Variants in PDE3A observed in about 807,000 individuals in gnomAD.
PDE3A encodes the protein phosphodiesterase 3A.
Under a neutral mutation model 98.3 loss-of-function variants are expected in PDE3A, and 43 were observed. The ratio of observed to expected loss-of-function variants is 0.44; its 90% CI spans 0.34 to 0.56. The LOEUF (loss-of-function observed/expected upper bound fraction) is 0.56, where lower values mean the gene tolerates loss of function less well. PDE3A is among the 20% of genes least tolerant of loss of function. The pLI, the probability that PDE3A is intolerant of heterozygous loss-of-function variation, is 0.01. For missense variants in PDE3A, 1,427 were observed against 1,440.7 expected (o/e 0.99, Z 0.15); for synonymous variants, 663 against 567.9 (o/e 1.17, Z -2.38).
chr12:20,469,640 C>G (rs190606823), intron 1 of PDE3A, among the ~76,000 whole-genome samples: 21 of 152,230 alleles, frequency 1.4e-4, no homozygotes, highest in Non-Finnish European at 2.9e-4. Flanking sequence ...TTAAAAACAC[C>G]GGAATCTCCC....
chr12:20,458,326 G>A (rs1441862424), intron 1 of PDE3A, among the ~76,000 whole-genome samples: 2 of 149,962 alleles, frequency 1.3e-5, no homozygotes, highest in Non-Finnish European at 3.0e-5. Context: ...GTTTTTTCAA[G>A]AATAGTCCTT....
Position 20,380,776 on chromosome 12 carries a change from A to T in PDE3A, c.960+10532A>T, listed in dbSNP as rs959625599. Among the ~76,000 whole-genome samples the T allele has an allele frequency of 5.3e-5, 8 of 151,832 alleles. No individual in the cohort carries two copies. The South Asian group carries it at 1.4e-3, about 28-fold the overall frequency. On this transcript the variant is annotated intron_variant, in intron 1 of 15. Transcript: ENST00000359062. ...TGAGAGTTTTTTGAATATACTACTT[A>T]AAAAAATCTCCATATGGTTTTCATT...
chr12:20,643,789 A>G (rs1042415775), intron 10 of PDE3A, among the ~76,000 whole-genome samples: 1 of 152,094 alleles, frequency 6.6e-6, no homozygotes, highest in African/African-American at 2.4e-5. Flanking sequence ...TTATTTACTT[A>G]GGATTAATTG....
chr12:20,435,855 A>G (rs1944771030), intron 1 of PDE3A, among the ~76,000 whole-genome samples: 1 of 152,120 alleles, frequency 6.6e-6, no homozygotes, highest in African/African-American at 2.4e-5. Context: ...CTGGGCAAAC[A>G]ATTTAAATAA....
chr12:20,593,025 G>T (rs1362310470), intron 2 of PDE3A, among the ~76,000 whole-genome samples: 1 of 152,124 alleles, frequency 6.6e-6, no homozygotes, highest in African/African-American at 2.4e-5. Context: ...ATCTGGCAAG[G>T]AATTTAGTCA....
intron 9 of PDE3A, 52 bp from the exon 10 acceptor site, chr12:20,639,794 A>T: frequency 1.2e-6 from 1 of 807,106 alleles, no homozygotes. Context: ...TGTTCTCTTT[A>T]TGTCTGACAT....
At chr12:20,597,730 T>C (rs1592095153) in intron 2 of PDE3A, among the ~76,000 whole-genome samples, 1 of 152,202 alleles carries the variant, frequency 6.6e-6, no homozygotes, top group Admixed American at 6.5e-5. Flanking sequence ...CTCTAACCCC[T>C]TTCAGTTCCC....
intron 15 of PDE3A, among the ~76,000 whole-genome samples, chr12:20,674,722 A>G (rs1401108089): frequency 6.6e-6 from 1 of 152,020 alleles, no homozygotes; most frequent in Non-Finnish European, 1.5e-5. Context: ...TAGGTTTTCT[A>G]GTTTGCTAAT....
chr12:20,428,445 A>G (rs1489926839), intron 1 of PDE3A, among the ~76,000 whole-genome samples: 1 of 151,728 alleles, frequency 6.6e-6, no homozygotes, highest in Non-Finnish European at 1.5e-5. Flanking sequence ...ACGCCCGGCT[A>G]ATTTTTTTTG....
In PDE3A at chr12:20,403,472, G is replaced by A. The variant is rs1351344214; in HGVS notation, c.960+33228G>A. 3.3e-5 allele frequency among the ~76,000 whole-genome samples: 5 copies of A among 152,208 alleles called. No individual in the cohort carries two copies. The East Asian group carries it at 7.7e-4, about 23-fold the overall frequency. On this transcript the variant is annotated intron_variant, in intron 1 of 15. Transcript: ENST00000359062. Reference sequence around the variant, plus strand: ...CAGTGGGCACTAGATGGAGGCCTGAGGGTGACAGTATATTTTTCCTGTGTA... The same window carrying A: ...CAGTGGGCACTAGATGGAGGCCTGAAGGTGACAGTATATTTTTCCTGTGTA...
chr12:20,427,252 G>A (rs919358211), intron 1 of PDE3A, among the ~76,000 whole-genome samples: 5 of 152,146 alleles, frequency 3.3e-5, no homozygotes, highest in African/African-American at 7.2e-5. Context: ...GTGAACTCTC[G>A]TTGCTTTTTA....
intron 2 of PDE3A, among the ~76,000 whole-genome samples, chr12:20,566,539 G>GA (rs1942661460): frequency 6.6e-6 from 1 of 151,434 alleles, no homozygotes; most frequent in Admixed American, 6.6e-5. Context: ...AGTTTAGGAG[G>GA]AAAAACCTCT....
intron 1 of PDE3A, among the ~76,000 whole-genome samples, chr12:20,486,911 G>T: frequency 6.6e-6 from 1 of 152,192 alleles, no homozygotes; most frequent in East Asian, 1.9e-4. Context: ...TGGGATTACA[G>T]GCATGAGTCA....
intron 5 of PDE3A, among the ~76,000 whole-genome samples, chr12:20,625,722 CA>C (rs1944246262): frequency 6.6e-6 from 1 of 152,082 alleles, no homozygotes; most frequent in Non-Finnish European, 1.5e-5. Context: ...TTTGATTGCC[CA>C]AAATTCCTTG....
intron 2 of PDE3A, among the ~76,000 whole-genome samples, chr12:20,581,468 C>T (rs1943062347): frequency 6.6e-6 from 1 of 152,102 alleles, no homozygotes. Context: ...TACCACCTCA[C>T]CATTTACTTT....
chr12:20,459,971 G>A (rs1359694565), intron 1 of PDE3A, among the ~76,000 whole-genome samples: 1 of 152,176 alleles, frequency 6.6e-6, no homozygotes, highest in Non-Finnish European at 1.5e-5. Flanking sequence ...TGCTTCTGCT[G>A]CAATATTAAA....
chr12:20,597,170 CTG>C (rs1943485463), intron 2 of PDE3A, among the ~76,000 whole-genome samples: 1 of 152,152 alleles, frequency 6.6e-6, no homozygotes, highest in Admixed American at 6.5e-5. Context: ...ATATTACAAA[CTG>C]TAGTGTATTA....
chr12:20,514,394 A>G (rs1946279376), intron 1 of PDE3A, among the ~76,000 whole-genome samples: 1 of 152,244 alleles, frequency 6.6e-6, no homozygotes. Context: ...TCTCAAATCC[A>G]TGCATCACAT....
chr12:20,529,328 G>T (rs1946581978), intron 1 of PDE3A, among the ~76,000 whole-genome samples: 1 of 151,976 alleles, frequency 6.6e-6, no homozygotes, highest in Non-Finnish European at 1.5e-5. Flanking sequence ...GCCCCTTTAG[G>T]TATAATAATA....
Sources: gnomAD v4.1 joint callset for allele counts (sites outside exome capture counted in the v4.1 genomes callset) on GRCh38, gnomAD v4.1.1 for gene constraint, MANE v1.5 for transcripts, NCBI Gene and HGNC (gene_info 2026-07-23, HGNC 2026-07-21) for gene names.